MTMR7: variants seen among roughly 807,000 people sequenced by gnomAD.
MTMR7 encodes phosphatidylinositol-3-phosphate phosphatase MTMR7.
A neutral mutation model predicts 81.2 loss-of-function variants in MTMR7; 76 were observed. The observed-to-expected ratio is 0.94, with a 90% CI of 0.78 to 1.13. The LOEUF is 1.13. MTMR7 is among the 50% of genes most tolerant of loss of function. The pLI is 0.00. For missense variants in MTMR7, 1,044 were observed against 820.0 expected, an observed-to-expected ratio of 1.27 and a Z score of -3.34; for synonymous variants, 372 against 289.8, an observed-to-expected ratio of 1.28 and a Z score of -2.88.
intron 1 of MTMR7, among the ~76,000 whole-genome samples, chr8:17,404,470 A>T (rs1032180772): frequency 6.6e-6 from 1 of 152,190 alleles, no homozygotes; most frequent in Non-Finnish European, 1.5e-5. Flanking sequence ...TCTTATAGAT[A>T]TTATGGATCT....
At chr8:17,313,941 C>T (rs1188200841) in intron 7 of MTMR7, among the ~76,000 whole-genome samples, 1 of 152,144 alleles carries the variant, frequency 6.6e-6, no homozygotes, top group East Asian at 1.9e-4. Context: ...GGAGTAAGGC[C>T]TGTAAGCTTA....
At chr8:17,355,734 T>G (rs1357097167) in intron 4 of MTMR7, among the ~76,000 whole-genome samples, 2 of 118,106 alleles carry the variant, frequency 1.7e-5, no homozygotes, top group Non-Finnish European at 3.2e-5. Context: ...TATAAAGAAC[T>G]ACAACAAGAA....
intron 1 of MTMR7, among the ~76,000 whole-genome samples, chr8:17,395,433 C>CAGGAGTGGAAATATACT (rs1821219194): frequency 2.0e-5 from 3 of 151,830 alleles, no homozygotes; most frequent in African/African-American, 7.3e-5. Context: ...GGGTATATAC[C>CAGGAGTGGAAATATACT]CAGGAGTGGA....
chr8:17,368,648 T>C (rs542446430), intron 3 of MTMR7, among the ~76,000 whole-genome samples: 13 of 152,300 alleles, frequency 8.5e-5, no homozygotes, highest in Middle Eastern at 3.4e-3. Flanking sequence ...CTTCCAAAGT[T>C]ACAGCCTATA....
chr8:17,374,686 G>A (rs1001363868), intron 1 of MTMR7, among the ~76,000 whole-genome samples: 1 of 152,140 alleles, frequency 6.6e-6, no homozygotes, highest in African/African-American at 2.4e-5. Flanking sequence ...GGTAGCAGGT[G>A]CCTGCAATCC....
chr8:17,308,725 A>G (rs1190413936), intron 10 of MTMR7, among the ~76,000 whole-genome samples: 1 of 152,190 alleles, frequency 6.6e-6, no homozygotes, highest in Non-Finnish European at 1.5e-5. Context: ...TGGCATCCCC[A>G]TTCCACAGAT....
intron 7 of MTMR7, among the ~76,000 whole-genome samples, chr8:17,320,387 G>C (rs1489614842): frequency 6.6e-6 from 1 of 152,080 alleles, no homozygotes; most frequent in Non-Finnish European, 1.5e-5. Flanking sequence ...GCAAGACGGA[G>C]GGTGTGGTAA....
At chr8:17,385,769 C>G (rs1820919241) in intron 1 of MTMR7, among the ~76,000 whole-genome samples, 1 of 152,148 alleles carries the variant, frequency 6.6e-6, no homozygotes, top group Non-Finnish European at 1.5e-5. Flanking sequence ...AGTATCTGCT[C>G]CCTCTTAACC....
chr8:17,327,323 T>A (rs751265269), intron 7 of MTMR7, among the ~76,000 whole-genome samples: 27 of 152,146 alleles, frequency 1.8e-4, no homozygotes, highest in Non-Finnish European at 1.9e-4. Context: ...CAGGCTGGAG[T>A]CCAGTGGCAC....
intron 7 of MTMR7, among the ~76,000 whole-genome samples, chr8:17,330,398 C>G (rs958805085): frequency 6.6e-6 from 1 of 152,218 alleles, no homozygotes; most frequent in African/African-American, 2.4e-5. Flanking sequence ...CATCCTCTGT[C>G]TTTTCCCAGT....
chr8:17,402,151 G>C (rs1821446520), intron 1 of MTMR7, among the ~76,000 whole-genome samples: 1 of 152,092 alleles, frequency 6.6e-6, no homozygotes. Context: ...GAGTATGTGA[G>C]ATACTTTGAT....
intron 1 of MTMR7, among the ~76,000 whole-genome samples, chr8:17,377,548 T>A (rs935271323): frequency 3.3e-5 from 5 of 152,092 alleles, no homozygotes; most frequent in African/African-American, 1.2e-4. Flanking sequence ...TAATAAATGT[T>A]TTAACTTGCT....
At chr8:17,382,023 T>G (rs2150572770) in intron 1 of MTMR7, among the ~76,000 whole-genome samples, 1 of 152,328 alleles carries the variant, frequency 6.6e-6, no homozygotes, top group Non-Finnish European at 1.5e-5. Flanking sequence ...CCAGTGGTAC[T>G]TCATAGACTA....
chr8:17,358,685 G>A (rs553225610), intron 4 of MTMR7, among the ~76,000 whole-genome samples: 1 of 152,080 alleles, frequency 6.6e-6, no homozygotes, highest in Non-Finnish European at 1.5e-5. Flanking sequence ...CAATATAAGG[G>A]ACTAGAAACT....
At chr8:17,364,624 T>C (rs954962279) in intron 3 of MTMR7, among the ~76,000 whole-genome samples, 5 of 152,192 alleles carry the variant, frequency 3.3e-5, no homozygotes, top group African/African-American at 1.2e-4. Flanking sequence ...TCTCTGCTTC[T>C]ATGAGTTTAA....
chr8:17,312,978 C>G (rs555970055), intron 8 of MTMR7, among the ~76,000 whole-genome samples: 2 of 152,302 alleles, frequency 1.3e-5, no homozygotes, highest in East Asian at 3.9e-4. Flanking sequence ...CCCCAAGCCC[C>G]ATCACTGAAG....
chr8:17,320,857 T>C (rs901601394), intron 7 of MTMR7, among the ~76,000 whole-genome samples: 2 of 152,350 alleles, frequency 1.3e-5, no homozygotes, highest in Admixed American at 1.3e-4. Flanking sequence ...CCTGGGCGCC[T>C]GCTGTTTGGG....
chr8:17,341,531 C>G (rs1355266327), intron 5 of MTMR7, 34 bp from the exon 6 acceptor site: 4 of 1,609,168 alleles, frequency 2.5e-6, no homozygotes, highest in Non-Finnish European at 3.4e-6. Flanking sequence ...ACAGCACCAT[C>G]AGGTAACTGT....
At chr8:17,335,927 C>T (rs991753709) in intron 6 of MTMR7, among the ~76,000 whole-genome samples, 2 of 152,164 alleles carry the variant, frequency 1.3e-5, no homozygotes, top group Non-Finnish European at 2.9e-5. Flanking sequence ...GGGTTTGCTC[C>T]GGCCCACCCT....
Sources: allele counts gnomAD v4.1 joint callset (sites outside exome capture counted in the v4.1 genomes callset), GRCh38; gene constraint gnomAD v4.1.1; transcripts MANE v1.5; gene names NCBI Gene and HGNC (gene_info 2026-07-23, HGNC 2026-07-21).